The following GRM8 variants were observed in gnomAD, a reference collection of about 807,000 sequenced individuals.
GRM8 encodes glutamate metabotropic receptor 8.
A neutral mutation model predicts 87.2 loss-of-function variants in GRM8; 47 were observed. The ratio of observed to expected loss-of-function variants is 0.54; its 90% CI spans 0.43 to 0.69. The LOEUF is 0.69. GRM8 is among the 30% of genes least tolerant of loss of function. The pLI, the probability that GRM8 is intolerant of heterozygous loss-of-function variation, is 0.00. For missense variants in GRM8, 1,019 were observed against 1,139.2 expected (o/e 0.89, Z 1.52); for synonymous variants, 396 against 404.5 (o/e 0.98, Z 0.25).
intron 9 of GRM8, among the ~76,000 whole-genome samples, chr7:126,473,826 T>G (rs1377252443): frequency 7.9e-5 from 12 of 152,062 alleles, no homozygotes; most frequent in Admixed American, 2.0e-4. Context: ...TGAATATGTC[T>G]CATGAGATCT....
At chr7:126,565,916 C>A (rs1224363098) in intron 8 of GRM8, among the ~76,000 whole-genome samples, 1 of 151,930 alleles carries the variant, frequency 6.6e-6, no homozygotes, top group East Asian at 1.9e-4. Context: ...AGTGAGGATG[C>A]CAAGAATATA....
chr7:126,689,687 G>A (rs926452017), intron 7 of GRM8, among the ~76,000 whole-genome samples: 1 of 152,186 alleles, frequency 6.6e-6, no homozygotes, highest in Non-Finnish European at 1.5e-5. Flanking sequence ...GATATACTCT[G>A]CCAATTTATC....
intron 7 of GRM8, among the ~76,000 whole-genome samples, chr7:126,749,577 T>C (rs1457762522): frequency 6.7e-6 from 1 of 150,200 alleles, no homozygotes; most frequent in Non-Finnish European, 1.5e-5. Context: ...TATAATCATA[T>C]ATTTAATTAA....
intron 2 of GRM8, among the ~76,000 whole-genome samples, chr7:127,238,133 C>T (rs56041410): frequency 6.6e-6 from 1 of 152,094 alleles, no homozygotes; most frequent in East Asian, 1.9e-4. Context: ...CCTGAGGTGT[C>T]GTTTATACCT....
chr7:126,956,986 T>C (rs992760716), intron 3 of GRM8, among the ~76,000 whole-genome samples: 2 of 152,220 alleles, frequency 1.3e-5, no homozygotes, highest in African/African-American at 4.8e-5. Context: ...AGTACATGAA[T>C]GTTTTTCAAC....
chr7:126,840,199 G>A (rs1188956338), intron 6 of GRM8, among the ~76,000 whole-genome samples: 1 of 152,002 alleles, frequency 6.6e-6, no homozygotes, highest in East Asian at 1.9e-4. Context: ...ACCTGAAATT[G>A]GCTAAACATT....
Position 126,958,588 on chromosome 7 carries a change from C to T in GRM8, c.728-53905G>A, listed in dbSNP as rs184577191. On this transcript the variant is annotated intron_variant, in intron 3 of 10. Transcript: ENST00000339582. ...CACACACCCCCTGCCACTCCTCGCCCGGCCCGCCCTTAGCAGGTGTGGGAT... is the reference window on the plus strand; with the variant it reads ...CACACACCCCCTGCCACTCCTCGCCTGGCCCGCCCTTAGCAGGTGTGGGAT... 6.3e-3 allele frequency among the ~76,000 whole-genome samples: 962 copies of T among 152,280 alleles called. 46 individuals carry two copies. Among genetic ancestry groups the T allele is most frequent in the Admixed American group, 0.058 (887 of 15,298 alleles).
intron 7 of GRM8, among the ~76,000 whole-genome samples, chr7:126,618,001 T>C (rs1192345522): frequency 1.3e-5 from 2 of 152,216 alleles, no homozygotes; most frequent in African/African-American, 4.8e-5. Flanking sequence ...CCAATGACTT[T>C]CTTCACAGAA....
At chr7:126,775,445 A>C (rs1158277337) in intron 6 of GRM8, among the ~76,000 whole-genome samples, 1 of 146,432 alleles carries the variant, frequency 6.8e-6, no homozygotes, top group South Asian at 2.2e-4. Flanking sequence ...CACATCACAC[A>C]CTAAAGAGTG....
intron 7 of GRM8, among the ~76,000 whole-genome samples, chr7:126,769,475 T>C (rs1818588495): frequency 1.3e-5 from 2 of 152,128 alleles, no homozygotes; most frequent in Non-Finnish European, 2.9e-5. Context: ...GTCAACCTAC[T>C]GTTTCAAAAG....
intron 9 of GRM8, among the ~76,000 whole-genome samples, chr7:126,457,737 AAAG>A (rs774875421): frequency 1.3e-4 from 19 of 151,036 alleles, no homozygotes; most frequent in Non-Finnish European, 1.9e-4. Context: ...TCAAAAAACT[AAAG>A]AAAAGGGAGA....
intron 6 of GRM8, among the ~76,000 whole-genome samples, chr7:126,792,302 C>A (rs1248325135): frequency 6.6e-6 from 1 of 152,196 alleles, no homozygotes; most frequent in East Asian, 1.9e-4. Context: ...CTAAAGTAAT[C>A]AAAGCAGTAT....
At chr7:126,560,921 C>T (rs1858951) in intron 8 of GRM8, among the ~76,000 whole-genome samples, 1 of 152,076 alleles carries the variant, frequency 6.6e-6, no homozygotes, top group South Asian at 2.1e-4. Flanking sequence ...ATCATGTGAG[C>T]TTTTTCAATC....
At chr7:126,921,891 A>T (rs953528562) in intron 3 of GRM8, among the ~76,000 whole-genome samples, 1 of 152,158 alleles carries the variant, frequency 6.6e-6, no homozygotes, top group Non-Finnish European at 1.5e-5. Flanking sequence ...GAATCCAAGT[A>T]GCAGGGAATT....
chr7:126,761,586 T>TA (rs1323803896), intron 7 of GRM8, among the ~76,000 whole-genome samples: 2 of 152,196 alleles, frequency 1.3e-5, no homozygotes, highest in Non-Finnish European at 2.9e-5. Flanking sequence ...CTAAAACACT[T>TA]ACCCTAGCAC....
At chr7:127,149,930 T>C (rs1245058803) in intron 2 of GRM8, among the ~76,000 whole-genome samples, 1 of 151,896 alleles carries the variant, frequency 6.6e-6, no homozygotes, top group Admixed American at 6.6e-5. Context: ...ATAGCAGGTA[T>C]GTAGAATGAA....
intron 7 of GRM8, among the ~76,000 whole-genome samples, chr7:126,616,266 T>C (rs2151122755): frequency 6.6e-6 from 1 of 152,330 alleles, no homozygotes; most frequent in South Asian, 2.1e-4. Context: ...AACCTGCTCC[T>C]GAATGACTAC....
At chr7:126,875,062 T>G (rs1799420748) in intron 6 of GRM8, among the ~76,000 whole-genome samples, 1 of 152,104 alleles carries the variant, frequency 6.6e-6, no homozygotes, top group Non-Finnish European at 1.5e-5. Context: ...CCACAAATAT[T>G]GTCACTATAA....
At chr7:127,158,350 G>A (rs1027208981) in intron 2 of GRM8, among the ~76,000 whole-genome samples, 1 of 152,092 alleles carries the variant, frequency 6.6e-6, no homozygotes, top group Admixed American at 6.6e-5. Context: ...CATCCTCACC[G>A]TCCACTCTCT....
Sources: allele counts gnomAD v4.1 joint callset (sites outside exome capture counted in the v4.1 genomes callset), GRCh38; gene constraint gnomAD v4.1.1; transcripts MANE v1.5; gene names NCBI Gene and HGNC (gene_info 2026-07-23, HGNC 2026-07-21).